PGM5: variants seen among roughly 807,000 people sequenced by gnomAD.
PGM5 encodes the protein phosphoglucomutase 5, also known as phosphoglucomutase-like protein 5.
Under a neutral mutation model 59.2 loss-of-function variants are expected in PGM5, and 23 were observed. The ratio of observed to expected loss-of-function variants is 0.39; its 90% CI spans 0.28 to 0.55. PGM5 has a LOEUF of 0.55. PGM5 is among the 20% of genes least tolerant of loss of function. The pLI is 0.66. For synonymous variants in PGM5, 214 were observed against 286.0 expected (o/e 0.75, Z 2.54); for missense variants, 574 against 748.3 (o/e 0.77, Z 2.72).
In PGM5 at chr9:68,448,935, C is replaced by T. The variant is rs72714322; in HGVS notation, c.1044-16158C>T. On this transcript the variant is annotated intron_variant, in intron 6 of 10. Transcript: ENST00000396396. The stretch of plus-strand genomic sequence containing the variant: ...TAGACTTCTTCACCCACTTGGGCTA[C>T]TATAGTAAATTACCATAGACTGAGT... 6.3e-3 allele frequency among the ~76,000 whole-genome samples: 952 copies of T among 152,314 alleles called. 3 individuals carry two copies. The highest frequency in any genetic ancestry group is 9.9e-3 in the Non-Finnish European group (676 of 68,032).
chr9:68,435,422 C>T (rs1823428899), intron 6 of PGM5, among the ~76,000 whole-genome samples: 1 of 152,172 alleles, frequency 6.6e-6, no homozygotes, highest in Middle Eastern at 3.2e-3. Flanking sequence ...CCCCATCATA[C>T]ATCCATCACC....
At chr9:68,379,109 C>T (rs1388757699) in intron 2 of PGM5, among the ~76,000 whole-genome samples, 5 of 152,084 alleles carry the variant, frequency 3.3e-5, no homozygotes, top group Non-Finnish European at 7.4e-5. Context: ...GCTAACATAC[C>T]TAACAATAAT....
At chr9:68,442,397 G>A (rs1343912167) in intron 6 of PGM5, among the ~76,000 whole-genome samples, 1 of 152,238 alleles carries the variant, frequency 6.6e-6, no homozygotes, top group Admixed American at 6.5e-5. Context: ...TGATCCTCCT[G>A]CCTCAGCAGG....
At chr9:68,476,358 C>T (rs1554686631) in intron 7 of PGM5, among the ~76,000 whole-genome samples, 1 of 151,908 alleles carries the variant, frequency 6.6e-6, no homozygotes, top group Non-Finnish European at 1.5e-5. Context: ...TCTTATTGAC[C>T]TATGAAAACA....
rs371392617 is a variant in PGM5 at position 68,514,783 on chromosome 9, G to A, written c.1615-14784G>A. ...CTAAATAGGATGCATTTATAGGGGT[G>A]CCTGGCCTCTATTTCTTCCTCATTT... On this transcript the variant is annotated intron_variant, in intron 10 of 10. Transcript: ENST00000396396. Among the ~76,000 whole-genome samples the A allele has an allele frequency of 1.4e-4, 22 of 152,308 alleles. No individual in the cohort carries two copies. In the East Asian group the frequency reaches 4.2e-3, roughly 29 times the overall value.
chr9:68,505,793 T>C (rs1396506108), intron 10 of PGM5, among the ~76,000 whole-genome samples: 1 of 152,192 alleles, frequency 6.6e-6, no homozygotes, highest in Non-Finnish European at 1.5e-5. Context: ...TATGGTTGAT[T>C]AAATCATTGG....
intron 6 of PGM5, among the ~76,000 whole-genome samples, chr9:68,458,477 A>G (rs1303309442): frequency 6.6e-6 from 1 of 152,238 alleles, no homozygotes; most frequent in Non-Finnish European, 1.5e-5. Flanking sequence ...TTTCTTTTAA[A>G]TATTCTTTAA....
intron 6 of PGM5, among the ~76,000 whole-genome samples, chr9:68,425,567 T>C (rs1823221726): frequency 6.6e-6 from 1 of 152,240 alleles, no homozygotes; most frequent in African/African-American, 2.4e-5. Flanking sequence ...TGAGTTTGGA[T>C]CAAATCCTAT....
In PGM5 at chr9:68,384,549, C is replaced by T. The variant is rs1554678691; in HGVS notation, c.571+5C>T. 6.2e-7 allele frequency: 1 copy of T among 1,601,116 alleles called. No homozygotes were observed. The highest frequency in any genetic ancestry group is 2.2e-5 in the East Asian group (1 of 44,722). On this transcript the variant is annotated splice_donor_5th_base_variant and intron_variant, in intron 3 of 10. Transcript: ENST00000396396. ...ACAAATTCAAACCATTCAGAGGTAA[C>T]AGAGATTTTATTTTGAAGAAGTCAG... is the stretch of plus-strand genomic sequence containing the variant.
chr9:68,462,049 C>T lies in PGM5; in HGVS notation c.1044-3044C>T, dbSNP rs568338605. 2.6e-5 allele frequency among the ~76,000 whole-genome samples: 4 copies of T among 152,202 alleles called. No individual in the cohort carries two copies. The East Asian group carries it at 7.7e-4, about 29-fold the overall frequency. ...TGGAAAGCTAGGTTGATGCAATTTC[C>T]AACCTACGTCACATTTTAGGAGGTT... On this transcript the variant is annotated intron_variant, in intron 6 of 10. Transcript: ENST00000396396.
At chr9:68,455,486 A>T (rs1474478569) in intron 6 of PGM5, among the ~76,000 whole-genome samples, 1 of 151,366 alleles carries the variant, frequency 6.6e-6, no homozygotes, top group African/African-American at 2.4e-5. Flanking sequence ...TACACAAAGT[A>T]TAAGCATCAT....
At chr9:68,417,132 C>T (rs192446956) in intron 6 of PGM5, among the ~76,000 whole-genome samples, 214 of 152,322 alleles carry the variant, frequency 1.4e-3, no homozygotes, top group African/African-American at 4.8e-3. Context: ...GAATCGGATA[C>T]GGGCCTACTG....
chr9:68,512,195 G>A (rs1554689417), intron 10 of PGM5, among the ~76,000 whole-genome samples: 1 of 152,196 alleles, frequency 6.6e-6, no homozygotes, highest in African/African-American at 2.4e-5. Context: ...CACTGGAGTG[G>A]GTGTGTGATG....
chr9:68,487,447 CTGT>C (rs1824314562), intron 9 of PGM5, among the ~76,000 whole-genome samples: 11 of 146,746 alleles, frequency 7.5e-5, no homozygotes, highest in Middle Eastern at 3.5e-3. Context: ...CTCTCTCTCT[CTGT>C]GTCACACGCA....
At position 68,484,012 on chromosome 9, in the gene PGM5, C is replaced by T. The variant is rs547897747; in HGVS notation, c.1443C>T (p.Tyr481=). 4.5e-5 allele frequency: 73 copies of T among 1,613,706 alleles called. 1 individual carries two copies. In the Admixed American group the frequency reaches 1.0e-3, roughly 22 times the overall value. Residue 481 remains tyrosine, a synonymous_variant, in exon 9 of 11, where the codon TAC becomes TAT. Coordinates refer to ENST00000396396, the MANE Select transcript of PGM5 (RefSeq NM_021965.4). ...TGGCGAAGACGGATAGTTTTGAATA[C>T]GTGGACCCTGTGGATGGCACTGTGA... The part of the protein sequence containing the change: ...YSVAKTDSFE[Y]VDPVDGTVTK...
intron 6 of PGM5, among the ~76,000 whole-genome samples, chr9:68,414,723 GA>G (rs1822993700): frequency 6.6e-6 from 1 of 151,708 alleles, no homozygotes; most frequent in Non-Finnish European, 1.5e-5. Context: ...CTGGTGGTAC[GA>G]AGAAGGGACG....
At chr9:68,416,891 T>A (rs782021830) in intron 6 of PGM5, among the ~76,000 whole-genome samples, 2 of 152,246 alleles carry the variant, frequency 1.3e-5, no homozygotes, top group African/African-American at 2.4e-5. Context: ...GAAAAGACAC[T>A]GATAAAGCTA....
intron 6 of PGM5, among the ~76,000 whole-genome samples, chr9:68,424,648 A>C (rs1823204026): frequency 6.6e-6 from 1 of 152,202 alleles, no homozygotes; most frequent in Non-Finnish European, 1.5e-5. Flanking sequence ...GGACAAAATA[A>C]ATTTGGAAAA....
At chr9:68,453,936 C>T (rs782738269) in intron 6 of PGM5, among the ~76,000 whole-genome samples, 5 of 152,160 alleles carry the variant, frequency 3.3e-5, no homozygotes, top group Non-Finnish European at 5.9e-5. Context: ...AGTAAGGAAG[C>T]GGCCTAAGTC....
Sources: allele counts gnomAD v4.1 joint callset (sites outside exome capture counted in the v4.1 genomes callset), GRCh38; gene constraint gnomAD v4.1.1; transcripts MANE v1.5; gene names NCBI Gene and HGNC (gene_info 2026-07-23, HGNC 2026-07-21).